BMPER: variants seen among roughly 807,000 people sequenced by gnomAD.
BMPER encodes the protein BMP binding endothelial regulator, also known as BMP-binding endothelial regulator protein.
A neutral mutation model predicts 87.3 loss-of-function variants in BMPER; 45 were observed. The observed-to-expected ratio is 0.52, with a 90% CI of 0.41 to 0.66. The LOEUF (loss-of-function observed/expected upper bound fraction) is 0.66, where lower values mean the gene tolerates loss of function less well. BMPER is among the 30% of genes least tolerant of loss of function. BMPER has a pLI of 0.00. For missense variants in BMPER, 784 were observed against 867.5 expected, an observed-to-expected ratio of 0.90 and a Z score of 1.21; for synonymous variants, 326 against 316.2, an observed-to-expected ratio of 1.03 and a Z score of -0.33.
In BMPER at chr7:34,055,192, C is replaced by G. The variant is rs777026516; in HGVS notation, c.816C>G (p.Cys272Trp). 6.2e-7 allele frequency: 1 copy of G among 1,614,132 alleles called. No homozygotes were observed. The highest frequency in any genetic ancestry group is 1.1e-5 in the South Asian group (1 of 91,082). The change falls in exon 9 of 15, where the codon TGC (cysteine) becomes TGG (tryptophan). Residue 272 changes from cysteine to tryptophan, a missense_variant. By Grantham distance (215) the Cys-to-Trp change is radical (BLOSUM62 -2). Transcript: ENST00000649409. ...CTACTGTGGTTTGCAAGAGGAAGTGCTCCCACCCTGGTGGCTGTGACCAAG... is the reference window on the plus strand; with the variant it reads ...CTACTGTGGTTTGCAAGAGGAAGTGGTCCCACCCTGGTGGCTGTGACCAAG... Reference protein sequence around the residue: ...RDSTVVCKRKCSHPGGCDQGQ... With the variant: ...RDSTVVCKRKWSHPGGCDQGQ...
intron 3 of BMPER, among the ~76,000 whole-genome samples, chr7:33,939,023 T>C (rs1303996719): frequency 2.6e-5 from 4 of 151,724 alleles, no homozygotes; most frequent in African/African-American, 9.7e-5. Context: ...AGACTCCATC[T>C]CAAAAAACAA....
intron 6 of BMPER, among the ~76,000 whole-genome samples, chr7:34,003,524 G>C (rs188907923): frequency 1.7e-4 from 26 of 152,010 alleles, no homozygotes; most frequent in African/African-American, 6.0e-4. Context: ...TACCTATGTA[G>C]TCACCTCTAA....
intron 3 of BMPER, among the ~76,000 whole-genome samples, chr7:33,948,616 T>A (rs75825730): frequency 6.6e-6 from 1 of 152,166 alleles, no homozygotes; most frequent in African/African-American, 2.4e-5. Context: ...GTGAGTGAGT[T>A]CTCACCAGAT....
rs117041253 is a variant in BMPER at position 34,018,901 on chromosome 7, G to A, written c.577-27405G>A. 1.2e-3 allele frequency among the ~76,000 whole-genome samples: 179 copies of A among 152,114 alleles called. 5 individuals are homozygous for A. In the East Asian group the frequency reaches 0.028, roughly 24 times the overall value. On this transcript the variant is annotated intron_variant, in intron 6 of 14. Transcript: ENST00000649409. ...TCTTGCCTCACCTTGGAATTGAAAT[G>A]GGCTGCTTGCCTTGATTCAGAGTGG...
chr7:34,151,388 G>C (rs1791172533), intron 14 of BMPER, among the ~76,000 whole-genome samples: 1 of 152,168 alleles, frequency 6.6e-6, no homozygotes, highest in African/African-American at 2.4e-5. Flanking sequence ...TTTAGTGTTG[G>C]AAGACAGAGT....
chr7:33,998,540 G>A (rs1418096825), intron 6 of BMPER, among the ~76,000 whole-genome samples: 1 of 152,194 alleles, frequency 6.6e-6, no homozygotes, highest in Non-Finnish European at 1.5e-5. Context: ...CTCTCAAGTT[G>A]AAGATTTACT....
chr7:34,122,214 C>T (rs989193512), intron 13 of BMPER, among the ~76,000 whole-genome samples: 4 of 152,134 alleles, frequency 2.6e-5, no homozygotes, highest in African/African-American at 7.2e-5. Flanking sequence ...GCTCCAGGAC[C>T]CACCCCAACA....
intron 6 of BMPER, among the ~76,000 whole-genome samples, chr7:34,027,541 T>A (rs1035942005): frequency 3.3e-5 from 5 of 152,086 alleles, no homozygotes; most frequent in Admixed American, 3.3e-4. Context: ...TCAGTGAATA[T>A]CTAGAGGAAA....
intron 2 of BMPER, among the ~76,000 whole-genome samples, chr7:33,936,392 T>C (rs1405301446): frequency 6.6e-6 from 1 of 152,146 alleles, no homozygotes; most frequent in Non-Finnish European, 1.5e-5. Context: ...AGCTGGGTAA[T>C]CTTGGAAAAG....
intron 6 of BMPER, among the ~76,000 whole-genome samples, chr7:33,984,500 T>G (rs1223671037): frequency 6.6e-6 from 1 of 152,114 alleles, no homozygotes; most frequent in Non-Finnish European, 1.5e-5. Context: ...GGCTTATCTC[T>G]CCATTGCAGT....
intron 2 of BMPER, among the ~76,000 whole-genome samples, chr7:33,932,450 T>C (rs776749700): frequency 3.3e-5 from 5 of 152,250 alleles, no homozygotes; most frequent in Non-Finnish European, 7.3e-5. Context: ...AAATGACAGC[T>C]GTTTGCCTCC....
chr7:34,078,582 G>T (rs1173505125), intron 11 of BMPER, among the ~76,000 whole-genome samples: 1 of 152,102 alleles, frequency 6.6e-6, no homozygotes. Flanking sequence ...CATTCCCTAC[G>T]TTAAGATCAT....
At chr7:33,909,693 A>AAAAAAAG (rs10655768) in intron 2 of BMPER, among the ~76,000 whole-genome samples, 93 of 138,824 alleles carry the variant, frequency 6.7e-4, no homozygotes, top group South Asian at 4.6e-3. Context: ...AAAAAAAAAA[A>AAAAAAAG]AAAGAAAGAA....
At chr7:34,089,143 A>G (rs531758345) in intron 13 of BMPER, among the ~76,000 whole-genome samples, 1 of 152,302 alleles carries the variant, frequency 6.6e-6, no homozygotes, top group African/African-American at 2.4e-5. Flanking sequence ...TGGCTGTGAC[A>G]CATTTTTTGA....
chr7:34,147,630 T>C (rs1429185306), intron 14 of BMPER, among the ~76,000 whole-genome samples: 2 of 151,978 alleles, frequency 1.3e-5, no homozygotes, highest in Admixed American at 6.6e-5. Context: ...GCCACCACGC[T>C]TGGCTAATTT....
At chr7:34,022,560 C>T (rs963346142) in intron 6 of BMPER, among the ~76,000 whole-genome samples, 15 of 151,872 alleles carry the variant, frequency 9.9e-5, no homozygotes, top group Admixed American at 9.2e-4. Context: ...TGAGGCCCTA[C>T]AGGACACATA....
intron 5 of BMPER, among the ~76,000 whole-genome samples, chr7:33,974,016 G>A (rs1785616823): frequency 1.3e-5 from 2 of 152,052 alleles, no homozygotes; most frequent in African/African-American, 4.8e-5. Context: ...GAGAGCGTGG[G>A]GCTGAAAACC....
At chr7:34,069,777 T>G (rs867258022) in intron 11 of BMPER, among the ~76,000 whole-genome samples, 9 of 152,210 alleles carry the variant, frequency 5.9e-5, no homozygotes, top group African/African-American at 2.2e-4. Flanking sequence ...TGAGGTCACT[T>G]TAACCTCTTC....
intron 6 of BMPER, among the ~76,000 whole-genome samples, chr7:33,980,888 A>G (rs1242873931): frequency 2.0e-5 from 3 of 152,196 alleles, no homozygotes; most frequent in African/African-American, 7.2e-5. Flanking sequence ...CTTTGCTCTC[A>G]CTTACACTTT....
Sources: allele counts gnomAD v4.1 joint callset (sites outside exome capture counted in the v4.1 genomes callset), GRCh38; gene constraint gnomAD v4.1.1; transcripts MANE v1.5; gene names NCBI Gene and HGNC (gene_info 2026-07-23, HGNC 2026-07-21).